Variants in CEP350 observed in about 807,000 individuals in gnomAD.
The protein encoded by CEP350 is centrosome-associated protein 350.
CEP350 carries 126 observed loss-of-function variants against 331.8 expected under a neutral mutation model. The ratio of observed to expected loss-of-function variants is 0.38; its 90% CI spans 0.33 to 0.44. The LOEUF (loss-of-function observed/expected upper bound fraction) is 0.44. Ranked by LOEUF, CEP350 falls within the 20% of genes least tolerant of loss-of-function variation. CEP350 has a pLI of 1.00. For synonymous variants in CEP350, 1,200 were observed against 1,259.5 expected (o/e 0.95, Z 1.00); for missense variants, 3,406 against 3,634.6 (o/e 0.94, Z 1.62).
At chr1:180,037,741 C>T (rs1256009104) in intron 17 of CEP350, among the ~76,000 whole-genome samples, 1 of 152,126 alleles carries the variant, frequency 6.6e-6, no homozygotes, top group Non-Finnish European at 1.5e-5. Flanking sequence ...GCTCCGCTTC[C>T]CAGGTTCACG....
chr1:180,064,718 G>T (rs1658441483), intron 26 of CEP350, among the ~76,000 whole-genome samples: 3 of 151,866 alleles, frequency 2.0e-5, no homozygotes, highest in Admixed American at 1.3e-4. Flanking sequence ...GTCATTCTTT[G>T]TGTCTGTACA....
At chr1:180,039,292 G>A (rs1371303275) in intron 17 of CEP350, among the ~76,000 whole-genome samples, 1 of 142,000 alleles carries the variant, frequency 7.0e-6, no homozygotes, top group Non-Finnish European at 1.5e-5. Context: ...GGGAGGGAGG[G>A]GAGGGAGGGG....
At chr1:179,960,212 G>A (rs1254605733) in intron 1 of CEP350, among the ~76,000 whole-genome samples, 1 of 117,296 alleles carries the variant, frequency 8.5e-6, no homozygotes, top group East Asian at 2.9e-4. Flanking sequence ...ACTCAGACTG[G>A]GACCATATAG....
intron 11 of CEP350, among the ~76,000 whole-genome samples, chr1:180,017,805 C>G (rs1406183104): frequency 6.6e-6 from 1 of 152,200 alleles, no homozygotes. Flanking sequence ...CTGGAAAACT[C>G]CAGGTTTCAT....
chr1:180,054,643 C>A, intron 25 of CEP350, 141 bp downstream of exon 25: 1 of 628,998 alleles, frequency 1.6e-6, no homozygotes, highest in East Asian at 2.8e-5. Context: ...GTTCATACTA[C>A]TATAATTATA....
chr1:180,003,770 A>G (rs1390156177), intron 7 of CEP350, among the ~76,000 whole-genome samples: 7 of 152,168 alleles, frequency 4.6e-5, no homozygotes, highest in Admixed American at 4.6e-4. Context: ...CATACTAATA[A>G]TGGTACTACC....
At chr1:180,109,835 A>G (rs1300905366) in intron 37 of CEP350, among the ~76,000 whole-genome samples, 2 of 151,958 alleles carry the variant, frequency 1.3e-5, no homozygotes, top group South Asian at 4.1e-4. Flanking sequence ...GGGTTTCGCC[A>G]TGTTGGCCAG....
chr1:180,098,984 TG>T lies in CEP350; in HGVS notation c.9189+1del. ...AAAAGAGACCGAGTGGATCATATCC[TG>T]GTCAGTGTATACAACCAAACTGTTT... Reference protein sequence around the residue: ...RKKRDRVDHILVQELHEEEAQ... With the variant: ...RKKRDRVDHIXVQELHEEEAQ... On this transcript the variant is annotated frameshift_variant and splice_region_variant, in exon 37 of 38. Transcript: ENST00000367607. LOFTEE classifies it high-confidence loss of function. 1 of 1,612,540 alleles carries T rather than the reference TG, an allele frequency of 6.2e-7. No individual in the cohort carries two copies. Among genetic ancestry groups the T allele is most frequent in the Non-Finnish European group, 8.5e-7 (1 of 1,179,368 alleles).
At chr1:179,961,776 T>C (rs1055843320) in intron 1 of CEP350, among the ~76,000 whole-genome samples, 1 of 152,204 alleles carries the variant, frequency 6.6e-6, no homozygotes, top group Non-Finnish European at 1.5e-5. Flanking sequence ...TTTGGGCTTC[T>C]GTTGAACCTA....
chr1:179,973,373 C>G (rs1490823402), intron 1 of CEP350, among the ~76,000 whole-genome samples: 1 of 152,284 alleles, frequency 6.6e-6, no homozygotes, highest in East Asian at 1.9e-4. Context: ...AATGTCTTCC[C>G]TTCTGAGTAG....
At chr1:179,975,356 A>T (rs921011843) in intron 1 of CEP350, among the ~76,000 whole-genome samples, 1 of 152,216 alleles carries the variant, frequency 6.6e-6, no homozygotes, top group African/African-American at 2.4e-5. Flanking sequence ...ATAGTCATTG[A>T]AGAGTTATAA....
intron 14 of CEP350, among the ~76,000 whole-genome samples, chr1:180,027,144 A>G (rs148991663): frequency 3.0e-4 from 45 of 152,332 alleles, no homozygotes; most frequent in African/African-American, 1.0e-3. Context: ...ATAATAGGAC[A>G]TCCTAATGGG....
intron 26 of CEP350, 137 bp downstream of exon 26, chr1:180,062,503 C>G (rs901443344): frequency 8.6e-7 from 1 of 1,163,176 alleles, no homozygotes; most frequent in Non-Finnish European, 1.1e-6. Context: ...TATGGATGGG[C>G]CAGTCTTAGT....
chr1:180,010,824 G>T (rs1654600074), intron 8 of CEP350, among the ~76,000 whole-genome samples: 1 of 151,754 alleles, frequency 6.6e-6, no homozygotes, highest in Admixed American at 6.6e-5. Context: ...TTCCCAAGCT[G>T]GATTCAAACT....
At chr1:179,985,938 A>G (rs1211650884) in intron 1 of CEP350, among the ~76,000 whole-genome samples, 3 of 152,134 alleles carry the variant, frequency 2.0e-5, no homozygotes, top group Non-Finnish European at 4.4e-5. Flanking sequence ...AGGAACTGCC[A>G]CACTGTTTTC....
chr1:180,096,365 T>C (rs1660478760), intron 36 of CEP350, among the ~76,000 whole-genome samples, 181 bp downstream of exon 36: 1 of 151,068 alleles, frequency 6.6e-6, no homozygotes, highest in African/African-American at 2.4e-5. Context: ...AGTGGAGGGA[T>C]TGGAATGAGT....
chr1:180,007,177 A>T (rs955192705), intron 8 of CEP350, among the ~76,000 whole-genome samples: 1 of 152,192 alleles, frequency 6.6e-6, no homozygotes, highest in African/African-American at 2.4e-5. Flanking sequence ...TTCTTGAGGA[A>T]TTGCCACACT....
In CEP350 at chr1:180,003,273, C is replaced by T; in HGVS notation, c.1118C>T (p.Ala373Val). Residue 373 changes from alanine (A) to valine (V), a missense_variant, in exon 7 of 38, where the codon GCA (alanine) becomes GTA (valine). Around this residue, in one of 5 missense-constraint regions of CEP350, gnomAD observed 1,857 missense variants for 1,909.2 expected, o/e 0.97. Coordinates refer to ENST00000367607, the MANE Select transcript of CEP350 (RefSeq NM_014810.5). ...NMSRELYRDL[A>V]LHFADDISIK... ...AGTAGAGAACTGTATCGAGATTTAGCACTTCACTTTGCAGGTGAGAATAGA... is the reference window on the plus strand; with the variant it reads ...AGTAGAGAACTGTATCGAGATTTAGTACTTCACTTTGCAGGTGAGAATAGA... 6.2e-7 allele frequency: 1 copy of T among 1,606,994 alleles called. No homozygotes were observed. The highest frequency in any genetic ancestry group is 8.5e-7 in the Non-Finnish European group (1 of 1,175,424).
chr1:180,036,894 C>T (rs375226433), intron 16 of CEP350, 32 bp from the exon 17 acceptor site: 5 of 1,473,230 alleles, frequency 3.4e-6, no homozygotes, highest in African/African-American at 2.9e-5. Context: ...TTCATGTTAA[C>T]TTTTCCATTT....
Sources: gnomAD v4.1 joint callset for allele counts (sites outside exome capture counted in the v4.1 genomes callset) on GRCh38, gnomAD v4.1.1 for gene constraint, gnomAD v4.1.1 regional missense constraint, MANE v1.5 for transcripts, NCBI Gene and HGNC (gene_info 2026-07-23, HGNC 2026-07-21) for gene names.